Variants in BLOC1S1 observed in about 807,000 individuals in gnomAD.
BLOC1S1 encodes the protein biogenesis of lysosomal organelles complex 1 subunit 1.
A neutral mutation model predicts 19.0 loss-of-function variants in BLOC1S1; 11 were observed. The observed-to-expected ratio is 0.58, with a 90% confidence interval of 0.37 to 0.96. The LOEUF is 0.96. BLOC1S1 is among the 40% of genes least tolerant of loss of function. BLOC1S1 has a pLI of 0.01. For missense variants in BLOC1S1, 220 were observed against 195.9 expected (o/e 1.12, Z -0.73); for synonymous variants, 94 against 76.4 (o/e 1.23, Z -1.20).
In BLOC1S1 at chr12:55,716,151, C is replaced by A; in HGVS notation, c.100C>A (p.Leu34Ile). Reference protein sequence around the residue: ...QPDVTMLSRLLKEHQAKQNER... With the variant: ...QPDVTMLSRLIKEHQAKQNER... Reference sequence around the variant, plus strand: ...CGACGTGACCATGCTGTCCCGCCTCCTAAAAGAACACCAGGCCAAGCAGAA... The same window carrying A: ...CGACGTGACCATGCTGTCCCGCCTCATAAAAGAACACCAGGCCAAGCAGAA... The change falls in exon 1 of 4, where the codon CTA becomes ATA. Residue 34 changes from leucine to isoleucine, a missense_variant. Coordinates refer to ENST00000548925, the MANE Select transcript of BLOC1S1 (RefSeq NM_001487.4). 2 of 1,612,510 alleles carry A rather than the reference C, an allele frequency of 1.2e-6. No individual in the cohort carries two copies. Among genetic ancestry groups the A allele is most frequent in the Non-Finnish European group, 1.7e-6 (2 of 1,179,268 alleles).
At chr12:55,716,604 C>G in intron 1 of BLOC1S1, 1 of 1,221,626 alleles carries the variant, frequency 8.2e-7, no homozygotes, top group Non-Finnish European at 1.0e-6. Flanking sequence ...GCACTTGTTT[C>G]CTGAGTCCGG....
At chr12:55,718,939 A>G (rs1221128206) in intron 2 of BLOC1S1, 152 bp from the exon 3 acceptor site, 1 of 934,784 alleles carries the variant, frequency 1.1e-6, no homozygotes. Context: ...GTTTATTTGC[A>G]TGTACTGGTA....
chr12:55,719,137 A>G lies in BLOC1S1; in HGVS notation c.265A>G (p.Lys89Glu), dbSNP rs758048845. ...CCAGAGAAAGCTGGACCATGAGGTG[A>G]AGACCCTACAGGTCCAGGCTGCCCA... ...MNQRKLDHEVKTLQVQAAQFA... is the reference protein window; with the variant it reads ...MNQRKLDHEVETLQVQAAQFA... Residue 89 changes from lysine (K) to glutamate (E), a missense_variant, in exon 3 of 4, where the codon AAG (lysine) becomes GAG (glutamate). Physicochemically the swap from Lys to Glu is moderately conservative, Grantham distance 56. Transcript: ENST00000548925. 1 of 1,613,922 alleles carries G rather than the reference A, an allele frequency of 6.2e-7. No homozygotes were observed.
chr12:55,719,367 A>G, intron 3 of BLOC1S1, 132 bp from the exon 4 acceptor site: 5 of 1,480,498 alleles, frequency 3.4e-6, no homozygotes, highest in Non-Finnish European at 4.7e-6. Context: ...AAAGGTAGAG[A>G]AAGAAAGAAA....
intron 2 of BLOC1S1, among the ~76,000 whole-genome samples, chr12:55,718,145 C>A (rs1876714381): frequency 6.6e-6 from 1 of 152,228 alleles, no homozygotes; most frequent in East Asian, 1.9e-4. Flanking sequence ...GCTGCCCACG[C>A]CTCCTCTCAT....
At position 55,719,239 on chromosome 12, in the gene BLOC1S1, T is replaced by C. The variant is rs1222747953; in HGVS notation, c.351+16T>C. On this transcript the variant is annotated intron_variant, in intron 3 of 3. Coordinates refer to ENST00000548925, the MANE Select transcript of BLOC1S1 (RefSeq NM_001487.4). ...GGCACTCAAGGTGGGCCATACTCCC[T>C]ACCTCACCACCCCAATCCTGGGCCC... The C allele has an allele frequency of 2.5e-6, 4 of 1,613,904 alleles. No individual in the cohort carries two copies. Among genetic ancestry groups the C allele is most frequent in the Non-Finnish European group, 3.4e-6 (4 of 1,180,006 alleles).
chr12:55,716,870 C>A (rs1876587863), intron 1 of BLOC1S1, 63 bp from the exon 2 acceptor site: 12 of 1,474,004 alleles, frequency 8.1e-6, no homozygotes, highest in African/African-American at 2.9e-5. Flanking sequence ...GGGTAGGGAA[C>A]CTTTAACACT....
intron 1 of BLOC1S1, chr12:55,716,441 T>C (rs1163086605): frequency 4.4e-6 from 6 of 1,349,164 alleles, no homozygotes; most frequent in South Asian, 1.7e-5. Context: ...TGCCGCACCT[T>C]AGCCCCGCCC....
chr12:55,719,346 C>G (rs773893509), intron 3 of BLOC1S1, 123 bp downstream of exon 3: 2 of 1,521,924 alleles, frequency 1.3e-6, no homozygotes, highest in South Asian at 1.1e-5. Context: ...ATCTATAGCC[C>G]CAGTGTCAGA....
rs1382562146 is a variant in BLOC1S1, at chr12:55,719,567, G to A, written c.420G>A (p.Leu140=). Residue 140 remains leucine, a synonymous_variant, in exon 4 of 4, where the codon CTG becomes CTA. Coordinates refer to ENST00000548925, the MANE Select transcript of BLOC1S1 (RefSeq NM_001487.4). ...ACATGCGCACCATTGCCACTGCACT[G>A]GAATATGTCTACAAAGGGCAGCTGC... is the stretch of plus-strand genomic sequence containing the variant. ...ELDMRTIATA[L]EYVYKGQLQS... 6.2e-7 allele frequency: 1 copy of A among 1,614,152 alleles called. No individual in the cohort carries two copies. Among genetic ancestry groups the A allele is most frequent in the African/African-American group, 1.3e-5 (1 of 75,052 alleles).
At chr12:55,719,381 A>C (rs1876802278) in intron 3 of BLOC1S1, 118 bp from the exon 4 acceptor site, 1 of 1,460,350 alleles carries the variant, frequency 6.8e-7, no homozygotes, top group African/African-American at 1.4e-5. Flanking sequence ...AAAGAAAAGC[A>C]GTTGGTGGGT....
chr12:55,717,470 C>T (rs1876654962), intron 2 of BLOC1S1, among the ~76,000 whole-genome samples: 1 of 152,126 alleles, frequency 6.6e-6, no homozygotes, highest in African/African-American at 2.4e-5. Flanking sequence ...TATGGCAGAG[C>T]CAGGCTGTCT....
rs780201011 is a variant in BLOC1S1 at position 55,719,608 on chromosome 12, A to G, written c.461A>G (p.Ter154TrpextTer26). The G allele has an allele frequency of 2.7e-5, 44 of 1,613,290 alleles. No homozygotes were observed. The highest frequency in any genetic ancestry group is 5.0e-5 in the Admixed American group (3 of 59,990). Residue 154 changes from the stop codon to tryptophan (W), a stop_lost, in exon 4 of 4, where the codon TAG (stop) becomes TGG (tryptophan). Transcript: ENST00000548925. ...YKGQLQSAPS[*>W] ...GGGCAGCTGCAGTCTGCCCCTTCCTAGCCCCTGTTCCCTCCCCCAACCCTA... is the reference window on the plus strand; with the variant it reads ...GGGCAGCTGCAGTCTGCCCCTTCCTGGCCCCTGTTCCCTCCCCCAACCCTA...
At chr12:55,719,030 T>G in intron 2 of BLOC1S1, 61 bp from the exon 3 acceptor site, 1 of 1,570,924 alleles carries the variant, frequency 6.4e-7, no homozygotes, top group East Asian at 2.3e-5. Context: ...AATGGAATAT[T>G]AGTCCCGGAG....
At chr12:55,716,590 T>TG in intron 1 of BLOC1S1, 1 of 1,211,268 alleles carries the variant, frequency 8.3e-7, no homozygotes, top group African/African-American at 1.6e-5. Context: ...GGAACGGAGG[T>TG]GGGGCACTTG....
At position 55,719,688 on chromosome 12, in the gene BLOC1S1, AAC is replaced by A; in HGVS notation, c.*83_*84del. ...AGGGAGGCTGACAAGCCTTGAATAA[AAC>A]ACAAGCCTCCGTTTCTCTGTGGTGT... On this transcript the variant is annotated 3_prime_UTR_variant, in exon 4 of 4. Transcript: ENST00000548925. 8.4e-7 allele frequency: 1 copy of A among 1,196,506 alleles called. No individual in the cohort carries two copies. The highest frequency in any genetic ancestry group is 1.3e-5 in the South Asian group (1 of 79,650). 74.1% of individuals were successfully genotyped at this position (1,196,506 alleles called of 1,614,324 possible).
intron 2 of BLOC1S1, among the ~76,000 whole-genome samples, chr12:55,718,492 A>ATGTGTG (rs5798357): frequency 0.03 from 4,556 of 149,968 alleles, 215 homozygotes; most frequent in African/African-American, 0.11. Context: ...GAGGGAGAGC[A>ATGTGTG]TGTGTGTGTG....
At chr12:55,716,399 G>A (rs1876530372) in intron 1 of BLOC1S1, 1 of 1,396,872 alleles carries the variant, frequency 7.2e-7, no homozygotes, top group Non-Finnish European at 9.2e-7. Context: ...GCAATACTCC[G>A]GTCCCCTCGG....
At position 55,716,951 on chromosome 12, in the gene BLOC1S1, C is replaced by T; in HGVS notation, c.164C>T (p.Ala55Val). The change falls in exon 2 of 4, where the codon GCT becomes GTT. Residue 55 changes from alanine (A) to valine (V), a missense_variant. Coordinates refer to ENST00000548925, the MANE Select transcript of BLOC1S1 (RefSeq NM_001487.4). ...KELQEKRRRE[A>V]ITAATCLTEA... Reference sequence around the variant, plus strand: ...TCCCCAGAAAAGAGGAGGCGAGAGGCTATCACTGCAGCGACCTGCCTGACA... The same window carrying T: ...TCCCCAGAAAAGAGGAGGCGAGAGGTTATCACTGCAGCGACCTGCCTGACA... 1 of 1,593,152 alleles carries T rather than the reference C, an allele frequency of 6.3e-7. No homozygotes were observed. The highest frequency in any genetic ancestry group is 8.5e-7 in the Non-Finnish European group (1 of 1,171,298).
Sources: allele counts gnomAD v4.1 joint callset (sites outside exome capture counted in the v4.1 genomes callset), GRCh38; gene constraint gnomAD v4.1.1; transcripts MANE v1.5; gene names NCBI Gene and HGNC (gene_info 2026-07-23, HGNC 2026-07-21).